The following RABEP1 variants were observed in gnomAD, a reference collection of about 807,000 sequenced individuals.
RABEP1 encodes the protein rab GTPase-binding effector protein 1.
In RABEP1, 51 loss-of-function variants were observed where a neutral mutation model predicts 123.4. That is an observed-to-expected ratio of 0.41 (90% CI 0.33 to 0.52). The LOEUF (loss-of-function observed/expected upper bound fraction) is 0.52, where lower values mean the gene tolerates loss of function less well. Among genes scored for constraint, RABEP1 ranks in the 20% least tolerant of loss-of-function variants. RABEP1 has a pLI of 0.16. For missense variants in RABEP1, 888 were observed against 996.3 expected (o/e 0.89, Z 1.46); for synonymous variants, 347 against 355.2 (o/e 0.98, Z 0.26).
At chr17:5,380,514 G>T in intron 16 of RABEP1, 52 bp downstream of exon 16, 1 of 1,362,088 alleles carries the variant, frequency 7.3e-7, no homozygotes, top group South Asian at 1.3e-5. Context: ...AAGAATGCAG[G>T]ATCACATCTT....
At chr17:5,309,367 A>AGGCTG (rs1025803422) in intron 2 of RABEP1, among the ~76,000 whole-genome samples, 26 of 147,970 alleles carry the variant, frequency 1.8e-4, no homozygotes, top group African/African-American at 6.9e-4. Flanking sequence ...AGGAAATTGC[A>AGGCTG]GGCTGGGCGC....
At chr17:5,372,320 C>T (rs1365681369) in intron 12 of RABEP1, among the ~76,000 whole-genome samples, 1 of 152,092 alleles carries the variant, frequency 6.6e-6, no homozygotes, top group Non-Finnish European at 1.5e-5. Flanking sequence ...TGGTGCGTGC[C>T]TGTAGTCCCA....
intron 12 of RABEP1, among the ~76,000 whole-genome samples, chr17:5,370,420 G>A (rs1042099781): frequency 6.6e-6 from 1 of 152,108 alleles, no homozygotes; most frequent in Non-Finnish European, 1.5e-5. Flanking sequence ...ACTTTTTAGT[G>A]GTGGTTTTCC....
At chr17:5,367,431 C>G (rs971514975) in intron 11 of RABEP1, among the ~76,000 whole-genome samples, 3 of 151,646 alleles carry the variant, frequency 2.0e-5, no homozygotes, top group Non-Finnish European at 4.4e-5. Context: ...GCCACCACGC[C>G]CGGCTAATTT....
chr17:5,362,066 A>G lies in RABEP1; in HGVS notation c.1563+391A>G, dbSNP rs74501933. On this transcript the variant is annotated intron_variant, in intron 9 of 17. Transcript: ENST00000537505. ...ATCTTTCCTTTAGATCAAAAGCGCA[A>G]TTGCCGGTCTGCTGTTGATGCTGAG... 454 of 170,000 alleles carry G rather than the reference A, an allele frequency of 2.7e-3. 16 individuals are homozygous for G. The East Asian group carries it at 0.062, about 23-fold the overall frequency. 10.5% of individuals were successfully genotyped at this position (170,000 alleles called of 1,614,324 possible). A position where few individuals can be genotyped will look rare whatever the true frequency, so the allele number is the denominator to read the frequency against.
At chr17:5,298,528 G>A (rs1275645962) in intron 1 of RABEP1, among the ~76,000 whole-genome samples, 1 of 152,116 alleles carries the variant, frequency 6.6e-6, no homozygotes, top group East Asian at 1.9e-4. Flanking sequence ...TGTGCATAAT[G>A]CCTCGTTATA....
intron 13 of RABEP1, among the ~76,000 whole-genome samples, chr17:5,376,102 A>G (rs1173815117): frequency 6.6e-6 from 1 of 152,142 alleles, no homozygotes; most frequent in African/African-American, 2.4e-5. Flanking sequence ...CGGCTTCCCA[A>G]AAGTGCTGGG....
At position 5,383,755 on chromosome 17, in the gene RABEP1, C is replaced by G; in HGVS notation, c.*532C>G. The G allele has an allele frequency of 6.4e-6, 1 of 157,414 alleles. No individual in the cohort carries two copies. Among genetic ancestry groups the G allele is most frequent in the Non-Finnish European group, 1.0e-5 (1 of 95,822 alleles). 9.8% of individuals were successfully genotyped at this position (157,414 alleles called of 1,614,324 possible). On this transcript the variant is annotated 3_prime_UTR_variant, in exon 18 of 18. Transcript: ENST00000537505. ...CTGACTGTATTTTGTTTTCCTTTTA[C>G]CATTTTATCTTATCTTGCTTTGGAG...
At chr17:5,368,304 A>T in intron 11 of RABEP1, 66 bp from the exon 12 acceptor site, 1 of 1,094,514 alleles carries the variant, frequency 9.1e-7, no homozygotes, top group Non-Finnish European at 1.4e-6. Context: ...TAGTTAGAAG[A>T]TGGAAGAGTT....
chr17:5,314,654 G>A lies in RABEP1; in HGVS notation c.163+5832G>A, dbSNP rs1597346446. Among the ~76,000 whole-genome samples the A allele has an allele frequency of 2.0e-5, 3 of 152,088 alleles. No homozygotes were observed. The East Asian group carries it at 5.8e-4, about 29-fold the overall frequency. On this transcript the variant is annotated intron_variant, in intron 2 of 17. Coordinates refer to ENST00000537505, the MANE Select transcript of RABEP1 (RefSeq NM_004703.6). Reference sequence around the variant, plus strand: ...CTCCCTCAGCCTCCCGAGTAGCTGGGACTACAGGCGCCCGCCACCACGCCT... The same window carrying A: ...CTCCCTCAGCCTCCCGAGTAGCTGGAACTACAGGCGCCCGCCACCACGCCT...
chr17:5,320,794 G>A (rs1386499507), intron 2 of RABEP1, among the ~76,000 whole-genome samples: 1 of 152,176 alleles, frequency 6.6e-6, no homozygotes, highest in African/African-American at 2.4e-5. Context: ...AAAATAAAAA[G>A]CAATGAATTA....
chr17:5,345,506 A>G (rs1344735197), intron 5 of RABEP1, among the ~76,000 whole-genome samples: 1 of 152,218 alleles, frequency 6.6e-6, no homozygotes, highest in Non-Finnish European at 1.5e-5. Context: ...ATTAAACCAA[A>G]TGTTTATTCC....
chr17:5,336,414 C>A (rs886868487), intron 4 of RABEP1: 4 of 457,808 alleles, frequency 8.7e-6, no homozygotes, highest in Admixed American at 2.5e-5. Flanking sequence ...TCAATTTATT[C>A]TTATTAACTG....
chr17:5,361,144 T>A (rs573103563), intron 8 of RABEP1, 64 bp from the exon 9 acceptor site: 495 of 1,365,740 alleles, frequency 3.6e-4, no homozygotes, highest in Non-Finnish European at 4.8e-4. Context: ...ACATTTATTA[T>A]AGTTTTTGTC....
intron 1 of RABEP1, among the ~76,000 whole-genome samples, chr17:5,301,085 C>G (rs1359644226): frequency 6.6e-6 from 1 of 152,170 alleles, no homozygotes; most frequent in African/African-American, 2.4e-5. Flanking sequence ...AAAAGCTGCT[C>G]TAGAACTGAC....
chr17:5,322,569 T>G (rs1377118393), intron 2 of RABEP1, among the ~76,000 whole-genome samples: 2 of 151,996 alleles, frequency 1.3e-5, no homozygotes, highest in African/African-American at 4.8e-5. Flanking sequence ...ATGGACAGAT[T>G]ATCCAGGCAG....
intron 1 of RABEP1, among the ~76,000 whole-genome samples, chr17:5,292,361 C>T (rs550138956): frequency 6.6e-6 from 1 of 151,872 alleles, no homozygotes; most frequent in South Asian, 2.1e-4. Flanking sequence ...TCATGATGTC[C>T]TTTACCCCTT....
At chr17:5,300,106 G>C (rs1228237629) in intron 1 of RABEP1, among the ~76,000 whole-genome samples, 1 of 151,962 alleles carries the variant, frequency 6.6e-6, no homozygotes, top group Non-Finnish European at 1.5e-5. Flanking sequence ...GATATGACTG[G>C]GTCTTATAGA....
intron 9 of RABEP1, chr17:5,361,943 T>C: frequency 2.6e-6 from 1 of 389,198 alleles, no homozygotes; most frequent in East Asian, 4.5e-5. Context: ...TGGAGCAATC[T>C]GCCTGACTAG....
Sources: allele counts gnomAD v4.1 joint callset (sites outside exome capture counted in the v4.1 genomes callset), GRCh38; gene constraint gnomAD v4.1.1; transcripts MANE v1.5; gene names NCBI Gene and HGNC (gene_info 2026-07-23, HGNC 2026-07-21).